EPB41L4A: variants seen among roughly 807,000 people sequenced by gnomAD.
EPB41L4A encodes the protein erythrocyte membrane protein band 4.1 like 4A.
In EPB41L4A, 100 loss-of-function variants were observed where a neutral mutation model predicts 108.6. That is an observed-to-expected ratio of 0.92 (90% confidence interval 0.78 to 1.09). The LOEUF is 1.09. EPB41L4A is among the 50% of genes least tolerant of loss of function. The pLI is 0.00. For synonymous variants in EPB41L4A, 319 were observed against 289.0 expected (o/e 1.10, Z -1.05); for missense variants, 1,030 against 842.7 (o/e 1.22, Z -2.75).
chr5:112,185,591 T>C (rs980533595), intron 17 of EPB41L4A, among the ~76,000 whole-genome samples: 1 of 152,160 alleles, frequency 6.6e-6, no homozygotes, highest in Admixed American at 6.5e-5. Flanking sequence ...CTCACTAAAG[T>C]TTTCATTTTT....
chr5:112,263,767 T>C, intron 6 of EPB41L4A: 1 of 152,286 alleles, frequency 6.6e-6, no homozygotes, highest in East Asian at 1.9e-4. Flanking sequence ...CTGAAACGGA[T>C]CCTTTAGGCA....
chr5:112,365,193 A>T (rs1297947797), intron 1 of EPB41L4A, among the ~76,000 whole-genome samples: 2 of 152,118 alleles, frequency 1.3e-5, no homozygotes, highest in Non-Finnish European at 2.9e-5. Context: ...TTATTATTTT[A>T]AGTGTTTCAT....
At chr5:112,273,679 C>T (rs1752422398) in intron 4 of EPB41L4A, among the ~76,000 whole-genome samples, 5 of 152,184 alleles carry the variant, frequency 3.3e-5, no homozygotes, top group Non-Finnish European at 7.3e-5. Flanking sequence ...ACTGAGGACA[C>T]TTAGGCACAG....
downstream of EPB41L4A, among the ~76,000 whole-genome samples, chr5:112,158,974 T>C (rs888775772): frequency 1.3e-5 from 2 of 152,256 alleles, no homozygotes; most frequent in African/African-American, 4.8e-5. Context: ...ACAATCTTCG[T>C]GTTACTGCCT....
At chr5:112,183,166 G>C (rs1333686557) in intron 18 of EPB41L4A, among the ~76,000 whole-genome samples, 1 of 152,042 alleles carries the variant, frequency 6.6e-6, no homozygotes, top group Non-Finnish European at 1.5e-5. Flanking sequence ...GGCACTCACA[G>C]CTGTCCTCTT....
chr5:112,213,349 T>TG (rs1747356548), intron 12 of EPB41L4A, among the ~76,000 whole-genome samples: 1 of 79,094 alleles, frequency 1.3e-5, no homozygotes, highest in African/African-American at 4.1e-5. Context: ...CAGTTTTTTT[T>TG]TTTGTTTTTT....
intron 1 of EPB41L4A, among the ~76,000 whole-genome samples, chr5:112,398,021 A>C (rs1008093031): frequency 7.2e-5 from 11 of 152,330 alleles, no homozygotes; most frequent in African/African-American, 2.6e-4. Flanking sequence ...GGCTGGAGAC[A>C]ATTGTAAGCT....
chr5:112,280,055 T>C (rs1468616043), intron 3 of EPB41L4A, among the ~76,000 whole-genome samples: 1 of 152,018 alleles, frequency 6.6e-6, no homozygotes, highest in Non-Finnish European at 1.5e-5. Flanking sequence ...CTAGGAAAAA[T>C]TCCATACTAA....
At chr5:112,374,916 C>T (rs1026869204) in intron 1 of EPB41L4A, among the ~76,000 whole-genome samples, 7 of 152,168 alleles carry the variant, frequency 4.6e-5, no homozygotes, top group Admixed American at 1.3e-4. Context: ...CAAACTTCTA[C>T]GTTTTTTAAA....
intron 17 of EPB41L4A, among the ~76,000 whole-genome samples, chr5:112,192,868 C>G (rs1761773806): frequency 6.6e-6 from 1 of 152,120 alleles, no homozygotes; most frequent in Non-Finnish European, 1.5e-5. Flanking sequence ...TTAGGTAAAA[C>G]AGAAACAGAC....
chr5:112,187,345 G>A (rs1367132919), intron 17 of EPB41L4A, among the ~76,000 whole-genome samples: 2 of 152,200 alleles, frequency 1.3e-5, no homozygotes, highest in Non-Finnish European at 2.9e-5. Flanking sequence ...GTGGTAGGAA[G>A]TATATCATAA....
At chr5:112,320,644 T>C (rs1471844405) in intron 1 of EPB41L4A, among the ~76,000 whole-genome samples, 1 of 152,172 alleles carries the variant, frequency 6.6e-6, no homozygotes, top group Non-Finnish European at 1.5e-5. Flanking sequence ...AAGGGGAGTA[T>C]GGACAAAACA....
At chr5:112,217,473 A>C (rs1295393555) in intron 12 of EPB41L4A, among the ~76,000 whole-genome samples, 1 of 152,126 alleles carries the variant, frequency 6.6e-6, no homozygotes, top group Non-Finnish European at 1.5e-5. Context: ...ACAATGCAGG[A>C]GGGTCGCTTG....
intron 9 of EPB41L4A, among the ~76,000 whole-genome samples, chr5:112,241,700 G>C (rs1391387451): frequency 6.6e-6 from 1 of 152,148 alleles, no homozygotes; most frequent in Non-Finnish European, 1.5e-5. Flanking sequence ...ATTTATATAA[G>C]GAATTTGAGC....
intron 12 of EPB41L4A, among the ~76,000 whole-genome samples, chr5:112,230,666 A>C (rs1272707372): frequency 6.6e-6 from 1 of 151,520 alleles, no homozygotes; most frequent in Non-Finnish European, 1.5e-5. Flanking sequence ...ATTTTCTCCC[A>C]GTCTGTGGGT....
At chr5:112,216,191 T>C in intron 12 of EPB41L4A, among the ~76,000 whole-genome samples, 1 of 152,326 alleles carries the variant, frequency 6.6e-6, no homozygotes, top group African/African-American at 2.4e-5. Flanking sequence ...ATTTAGCTAC[T>C]TTATCTGGGG....
chr5:112,261,633 T>C (rs1169088538), intron 7 of EPB41L4A, among the ~76,000 whole-genome samples: 2 of 152,192 alleles, frequency 1.3e-5, no homozygotes, highest in Non-Finnish European at 2.9e-5. Context: ...TTCAGTGTAA[T>C]TGCTCACTGA....
intron 1 of EPB41L4A, among the ~76,000 whole-genome samples, chr5:112,395,336 A>C (rs1004701114): frequency 1.3e-5 from 2 of 152,260 alleles, no homozygotes; most frequent in African/African-American, 4.8e-5. Context: ...AAATTTTTGC[A>C]ATCTACTCAT....
At chr5:112,356,831 G>A (rs1758391399) in intron 1 of EPB41L4A, among the ~76,000 whole-genome samples, 1 of 152,178 alleles carries the variant, frequency 6.6e-6, no homozygotes, top group Non-Finnish European at 1.5e-5. Context: ...GCATTTCTGG[G>A]GATGCAGTGG....
Sources: gnomAD v4.1 joint callset for allele counts (sites outside exome capture counted in the v4.1 genomes callset) on GRCh38, gnomAD v4.1.1 for gene constraint, MANE v1.5 for transcripts, NCBI Gene and HGNC (gene_info 2026-07-23, HGNC 2026-07-21) for gene names.